TRDN: variants seen among roughly 807,000 people sequenced by gnomAD.
TRDN encodes the protein triadin in skeletal muscle.
Under a neutral mutation model 149.7 loss-of-function variants are expected in TRDN, and 161 were observed. The ratio of observed to expected loss-of-function variants is 1.08; its 90% CI spans 0.95 to 1.23. The LOEUF is 1.23. TRDN is among the 50% of genes most tolerant of loss of function. The pLI is 0.00. For synonymous variants in TRDN, 294 were observed against 250.5 expected, an observed-to-expected ratio of 1.17 and a Z score of -1.64; for missense variants, 896 against 823.5, an observed-to-expected ratio of 1.09 and a Z score of -1.08.
chr6:123,392,822 A>C (rs534219415), intron 13 of TRDN, among the ~76,000 whole-genome samples: 2 of 152,144 alleles, frequency 1.3e-5, no homozygotes, highest in South Asian at 2.1e-4. Context: ...GATGTAATAC[A>C]TTCGGTCATA....
At chr6:123,433,662 G>T (rs1488561183) in intron 12 of TRDN, among the ~76,000 whole-genome samples, 2 of 152,050 alleles carry the variant, frequency 1.3e-5, no homozygotes, top group East Asian at 3.9e-4. Flanking sequence ...CTATTGGAAA[G>T]TGTGATAATT....
chr6:123,293,026 G>C (rs1199582996), intron 24 of TRDN, among the ~76,000 whole-genome samples: 4 of 152,130 alleles, frequency 2.6e-5, no homozygotes, highest in Non-Finnish European at 5.9e-5. Context: ...TAGTTACTAT[G>C]ATCCAGTATG....
intron 38 of TRDN, among the ~76,000 whole-genome samples, chr6:123,237,423 T>C (rs1380337883): frequency 6.6e-6 from 1 of 152,126 alleles, no homozygotes; most frequent in Non-Finnish European, 1.5e-5. Flanking sequence ...CTAATTTTTG[T>C]ATTTTTAGCA....
intron 16 of TRDN, among the ~76,000 whole-genome samples, chr6:123,378,861 C>T (rs1359784585): frequency 6.6e-6 from 1 of 152,066 alleles, no homozygotes; most frequent in Non-Finnish European, 1.5e-5. Context: ...CAGGAATCTA[C>T]TTTTGTCAAT....
intron 13 of TRDN, among the ~76,000 whole-genome samples, chr6:123,390,177 G>C (rs2114449265): frequency 6.6e-6 from 1 of 152,060 alleles, no homozygotes; most frequent in East Asian, 1.9e-4. Flanking sequence ...ACATCTAAAG[G>C]GCAACCTGAC....
rs1313563806 is a variant in TRDN, at chr6:123,475,757, C to T, written c.854-10774G>A. On this transcript the variant is annotated intron_variant, in intron 9 of 40. Coordinates refer to ENST00000334268, the MANE Select transcript of TRDN (RefSeq NM_006073.4). ...TGGGATGCAAGGCTGGTTCAATATACGCAAATCAATAAATGTAATCCAGCA... is the reference window on the plus strand; with the variant it reads ...TGGGATGCAAGGCTGGTTCAATATATGCAAATCAATAAATGTAATCCAGCA... Among the ~76,000 whole-genome samples, 379 of 142,800 alleles carry T rather than the reference C, an allele frequency of 2.7e-3. 1 individual carries two copies. The highest frequency in any genetic ancestry group is 4.8e-3 in the Non-Finnish European group (313 of 65,280). 93.7% of individuals were successfully genotyped at this position (142,800 alleles called of 152,430 possible).
chr6:123,364,361 G>T (rs928619352), intron 20 of TRDN, among the ~76,000 whole-genome samples: 1 of 152,082 alleles, frequency 6.6e-6, no homozygotes, highest in Non-Finnish European at 1.5e-5. Flanking sequence ...AATTCCAGTC[G>T]GGCGTGGTGG....
Position 123,331,900 on chromosome 6 carries a change from G to T in TRDN, c.1450C>A (p.Pro484Thr). Reference sequence around the variant, plus strand: ...TTACCTTTTTCCTTTAGGGAAGCTGGAACTTTCTCTTCTTTCCCTTTAATA... The same window carrying T: ...TTACCTTTTTCCTTTAGGGAAGCTGTAACTTTCTCTTCTTTCCCTTTAATA... ...EPIKGKEEKV[P>T]ASLKEKEPET... Residue 484 changes from proline (P) to threonine (T), a missense_variant, in exon 23 of 41, where the codon CCA becomes ACA. Coordinates refer to ENST00000334268, the MANE Select transcript of TRDN (RefSeq NM_006073.4). The T allele has an allele frequency of 6.5e-7, 1 of 1,548,052 alleles. No individual in the cohort carries two copies. Among genetic ancestry groups the T allele is most frequent in the Non-Finnish European group, 8.7e-7 (1 of 1,144,580 alleles).
intron 1 of TRDN, among the ~76,000 whole-genome samples, chr6:123,594,035 T>TA (rs1181718522): frequency 1.3e-5 from 2 of 152,088 alleles, no homozygotes; most frequent in East Asian, 1.9e-4. Flanking sequence ...TTAGCTGGAT[T>TA]AAAAAATATT....
intron 16 of TRDN, among the ~76,000 whole-genome samples, chr6:123,380,235 C>A (rs937537054): frequency 6.6e-6 from 1 of 152,182 alleles, no homozygotes; most frequent in Non-Finnish European, 1.5e-5. Context: ...TTATTAAGTG[C>A]ATCAGTGCCC....
chr6:123,409,714 C>CAG, intron 12 of TRDN, among the ~76,000 whole-genome samples: 1 of 151,930 alleles, frequency 6.6e-6, no homozygotes, highest in East Asian at 1.9e-4. Flanking sequence ...CACACACACA[C>CAG]ACCCAAAACT....
intron 20 of TRDN, among the ~76,000 whole-genome samples, chr6:123,363,791 A>G (rs956723261): frequency 2.6e-5 from 4 of 152,142 alleles, no homozygotes; most frequent in African/African-American, 9.7e-5. Flanking sequence ...TCAACCCCAT[A>G]CTATGTGAGC....
chr6:123,475,091 A>G (rs1777399835), intron 9 of TRDN, among the ~76,000 whole-genome samples: 1 of 147,568 alleles, frequency 6.8e-6, no homozygotes, highest in African/African-American at 2.4e-5. Context: ...GATACAAAAA[A>G]CCCTTCAAAA....
chr6:123,270,195 C>A (rs1039129101), intron 30 of TRDN, among the ~76,000 whole-genome samples: 34 of 151,810 alleles, frequency 2.2e-4, no homozygotes, highest in African/African-American at 8.2e-4. Context: ...CCTTAGGGTG[C>A]AAATTAAAGG....
At chr6:123,486,552 T>C (rs184836984) in intron 9 of TRDN, among the ~76,000 whole-genome samples, 1 of 152,136 alleles carries the variant, frequency 6.6e-6, no homozygotes, top group Non-Finnish European at 1.5e-5. Context: ...ACATTTCAAG[T>C]TTGTATAAAC....
intron 38 of TRDN, among the ~76,000 whole-genome samples, chr6:123,237,209 A>G (rs538532135): frequency 5.9e-4 from 90 of 152,200 alleles, no homozygotes; most frequent in Middle Eastern, 6.8e-3. Flanking sequence ...TGCATGTTGC[A>G]TGTGGGAAAT....
At chr6:123,282,811 T>C (rs565435172) in intron 24 of TRDN, among the ~76,000 whole-genome samples, 3 of 152,060 alleles carry the variant, frequency 2.0e-5, no homozygotes, top group African/African-American at 7.2e-5. Flanking sequence ...TAAGTCATTA[T>C]CATAAAATTT....
intron 16 of TRDN, among the ~76,000 whole-genome samples, chr6:123,378,392 A>G (rs1021333918): frequency 6.6e-6 from 1 of 150,868 alleles, no homozygotes; most frequent in Non-Finnish European, 1.5e-5. Context: ...TGATCCTCCA[A>G]CCTCGGCCTC....
At chr6:123,601,847 C>T (rs1386457852) in intron 1 of TRDN, among the ~76,000 whole-genome samples, 1 of 152,098 alleles carries the variant, frequency 6.6e-6, no homozygotes, top group Non-Finnish European at 1.5e-5. Context: ...TCACATACAT[C>T]ATATCAACTG....
Sources: allele counts gnomAD v4.1 joint callset (sites outside exome capture counted in the v4.1 genomes callset), GRCh38; gene constraint gnomAD v4.1.1; transcripts MANE v1.5; gene names NCBI Gene and HGNC (gene_info 2026-07-23, HGNC 2026-07-21).